ATP13A1: variants seen among roughly 807,000 people sequenced by gnomAD.
ATP13A1 encodes ATPase 13A1, also known as endoplasmic reticulum transmembrane helix translocase.
ATP13A1 carries 55 observed loss-of-function variants against 134.8 expected under a neutral mutation model. The ratio of observed to expected loss-of-function variants is 0.41; its 90% CI spans 0.33 to 0.51. ATP13A1 has a LOEUF of 0.51. Among genes scored for constraint, ATP13A1 ranks in the 20% least tolerant of loss-of-function variants. The pLI is 0.29. For synonymous variants in ATP13A1, 775 were observed against 725.1 expected, an observed-to-expected ratio of 1.07 and a Z score of -1.10; for missense variants, 1,389 against 1,652.8, an observed-to-expected ratio of 0.84 and a Z score of 2.77.
At chr19:19,646,590 C>T in intron 22 of ATP13A1, 1 of 564,160 alleles carries the variant, frequency 1.8e-6, no homozygotes, top group Non-Finnish European at 3.2e-6. Flanking sequence ...GCCACAGGGG[C>T]CTGAGAATCA....
chr19:19,651,748 T>A lies in ATP13A1; in HGVS notation c.2276A>T (p.Gln759Leu). The change falls in exon 17 of 26, where the codon CAG (glutamine) becomes CTG (leucine). Residue 759 changes from glutamine (Q) to leucine (L), a missense_variant. Around this residue, in one of 4 missense-constraint regions of ATP13A1, gnomAD observed 747 missense variants for 956.1 expected, o/e 0.78. Transcript: ENST00000357324. ...DNPLTACHVA[Q>L]ELHFIEKAHT... ...GGCCTTTTCAATGAAGTGCAGCTCC[T>A]GGGCCACGTGGCATGCAGTGAGCGG... 1 of 1,613,334 alleles carries A rather than the reference T, an allele frequency of 6.2e-7. No homozygotes were observed. The highest frequency in any genetic ancestry group is 8.5e-7 in the Non-Finnish European group (1 of 1,179,620).
At chr19:19,652,968 T>C (rs1387383915) in intron 15 of ATP13A1, 2 of 515,288 alleles carry the variant, frequency 3.9e-6, no homozygotes, top group Non-Finnish European at 6.9e-6. Context: ...CTTGCGGACA[T>C]GGGCACATCA....
At position 19,645,443 on chromosome 19, in the gene ATP13A1, C is replaced by T. The variant is rs1309447663; in HGVS notation, c.3594G>A (p.Pro1198=). Residue 1198 remains proline (P), a synonymous_variant, in exon 26 of 26, where the codon CCG becomes CCA. Coordinates refer to ENST00000357324, the MANE Select transcript of ATP13A1 (RefSeq NM_020410.3). This position sits in a 1 kb window ranked among gnomAD's most constrained non-coding sequence, Gnocchi z 4.1. ...DRVLQFFLGT[P]KLKVPS is the part of the protein sequence containing the mutation. The stretch of plus-strand genomic sequence containing the variant: ...CATCTCAGGAAGGCACTTTCAGCTT[C>T]GGGGTCCCCAGGAAGAACTGCAGGA... The T allele has an allele frequency of 5.0e-6, 8 of 1,604,064 alleles. No homozygotes were observed. The highest frequency in any genetic ancestry group is 4.5e-5 in the East Asian group (2 of 44,424).
In ATP13A1 at chr19:19,653,814, G is replaced by T; in HGVS notation, c.2070C>A (p.Tyr690Ter). 1 of 1,555,716 alleles carries T rather than the reference G, an allele frequency of 6.4e-7. No individual in the cohort carries two copies. ...REGARVLALG[Y>*]KELGHLTHQQ... is the part of the protein sequence containing the mutation. The stretch of plus-strand genomic sequence containing the variant: ...GGTGAGTGAGGTGTCCCAGCTCCTT[G>T]TACCCCAGCGCCAGGACGCGGGCTC... Residue 690 changes from tyrosine (Y) to a stop codon, truncating the protein, a stop_gained, in exon 15 of 26, where the codon TAC becomes TAA. Transcript: ENST00000357324. LOFTEE classifies it high-confidence loss of function. This position sits in a 1 kb window ranked among gnomAD's most constrained non-coding sequence, Gnocchi z 4.2.
chr19:19,647,295 G>A lies in ATP13A1; in HGVS notation c.2939C>T (p.Thr980Met), dbSNP rs775933276. 7 of 1,613,286 alleles carry A rather than the reference G, an allele frequency of 4.3e-6. No individual in the cohort carries two copies. Among genetic ancestry groups the A allele is most frequent in the Non-Finnish European group, 5.9e-6 (7 of 1,179,758 alleles). ...ICHVIKQGRC[T>M]LVTTLQMFKI... ...GAACATCTGTAGCGTGGTCACCAGC[G>A]TGCAGCGGCCCTGCTTGATCACGTG... Residue 980 changes from threonine to methionine, a missense_variant, in exon 22 of 26, where the codon ACG (threonine) becomes ATG (methionine). Around this residue, in one of 4 missense-constraint regions of ATP13A1, gnomAD observed 228 missense variants for 321.0 expected, o/e 0.71. Transcript: ENST00000357324. The surrounding 1 kb of genome is among the most constrained non-coding windows in gnomAD (Gnocchi z 4.8).
Position 19,655,285 on chromosome 19 carries a change from C to T in ATP13A1, c.1534+31G>A. On this transcript the variant is annotated intron_variant, in intron 11 of 25. Coordinates refer to ENST00000357324, the MANE Select transcript of ATP13A1 (RefSeq NM_020410.3). The surrounding 1 kb of genome is among the most constrained non-coding windows in gnomAD (Gnocchi z 5.7). Reference sequence around the variant, plus strand: ...AGGGGTCCTGCTTGGCCCCAGCCCACTCGGCACCCCATCCCATTTGACACA... The same window carrying T: ...AGGGGTCCTGCTTGGCCCCAGCCCATTCGGCACCCCATCCCATTTGACACA... 1 of 1,613,992 alleles carries T rather than the reference C, an allele frequency of 6.2e-7. No homozygotes were observed. The highest frequency in any genetic ancestry group is 1.6e-4 in the Middle Eastern group (1 of 6,062).
At position 19,647,453 on chromosome 19, in the gene ATP13A1, C is replaced by A; in HGVS notation, c.2869G>T (p.Ala957Ser). The A allele has an allele frequency of 6.2e-7, 1 of 1,613,438 alleles. No individual in the cohort carries two copies. The highest frequency in any genetic ancestry group is 8.5e-7 in the Non-Finnish European group (1 of 1,179,680). Residue 957 changes from alanine to serine, a missense_variant, in exon 21 of 26, where the codon GCA becomes TCA. Around this residue, in one of 4 missense-constraint regions of ATP13A1, gnomAD observed 228 missense variants for 321.0 expected, o/e 0.71. Coordinates refer to ENST00000357324, the MANE Select transcript of ATP13A1 (RefSeq NM_020410.3). This position sits in a 1 kb window ranked among gnomAD's most constrained non-coding sequence, Gnocchi z 4.8. ...PIVKLGDASI[A>S]APFTSKLSSI... Reference sequence around the variant, plus strand: ...GAGAGCTTGGAGGTGAAGGGTGCTGCGATGCTGGCATCCCCCAGTTTCACA... The same window carrying A: ...GAGAGCTTGGAGGTGAAGGGTGCTGAGATGCTGGCATCCCCCAGTTTCACA...
chr19:19,647,088 G>A lies in ATP13A1; in HGVS notation c.3105+41C>T, dbSNP rs750343476. On this transcript the variant is annotated intron_variant, in intron 22 of 25. Coordinates refer to ENST00000357324, the MANE Select transcript of ATP13A1 (RefSeq NM_020410.3). This position sits in a 1 kb window ranked among gnomAD's most constrained non-coding sequence, Gnocchi z 4.8. ...TGCCTATATCAGCCTGGCCCTGGCA[G>A]GCCCATGCATCCCTGGCCTTCCAGC... is the stretch of plus-strand genomic sequence containing the variant. 1 of 1,573,526 alleles carries A rather than the reference G, an allele frequency of 6.4e-7. No individual in the cohort carries two copies. Among genetic ancestry groups the A allele is most frequent in the Non-Finnish European group, 8.6e-7 (1 of 1,158,264 alleles).
Position 19,655,666 on chromosome 19 carries a change from G to T in ATP13A1, c.1270-12C>A. ...CGCAGCAGCTTGCCCTGGAGGAATGGAGGAACAGCCTTTCTGCTGTCTGGA... is the reference window on the plus strand; with the variant it reads ...CGCAGCAGCTTGCCCTGGAGGAATGTAGGAACAGCCTTTCTGCTGTCTGGA... On this transcript the variant is annotated splice_polypyrimidine_tract_variant and intron_variant, in intron 9 of 25. Transcript: ENST00000357324. This position sits in a 1 kb window ranked among gnomAD's most constrained non-coding sequence, Gnocchi z 5.7. The T allele has an allele frequency of 1.2e-6, 2 of 1,611,048 alleles. No individual in the cohort carries two copies. The highest frequency in any genetic ancestry group is 4.5e-5 in the East Asian group (2 of 44,754).
chr19:19,661,648 C>T (rs1433897799), intron 1 of ATP13A1, among the ~76,000 whole-genome samples: 1 of 152,142 alleles, frequency 6.6e-6, no homozygotes, highest in Non-Finnish European at 1.5e-5. Context: ...CTGCTGTTTC[C>T]CCAGCACCTA....
In ATP13A1 at chr19:19,647,017, C is replaced by A; in HGVS notation, c.3105+112G>T. 1 of 1,205,752 alleles carries A rather than the reference C, an allele frequency of 8.3e-7. No individual in the cohort carries two copies. The highest frequency in any genetic ancestry group is 1.5e-5 in the South Asian group (1 of 65,834). 74.7% of individuals were successfully genotyped at this position (1,205,752 alleles called of 1,614,324 possible). ...CCTGAGCCATCCCAGCTACAGCCCC[C>A]ATCTCTGGGGCCCTGGGTCCTGTAA... On this transcript the variant is annotated intron_variant, in intron 22 of 25. Transcript: ENST00000357324. The surrounding 1 kb of genome is among the most constrained non-coding windows in gnomAD (Gnocchi z 4.8).
intron 13 of ATP13A1, 81 bp downstream of exon 13, chr19:19,654,462 T>C (rs1458613094): frequency 1.3e-6 from 2 of 1,482,554 alleles, no homozygotes; most frequent in African/African-American, 2.8e-5. Flanking sequence ...CCCAAGATGC[T>C]CTGAGGGGTG....
At chr19:19,657,508 A>G in intron 3 of ATP13A1, 100 bp from the exon 4 acceptor site, 1 of 1,218,580 alleles carries the variant, frequency 8.2e-7, no homozygotes, top group Non-Finnish European at 1.1e-6. Flanking sequence ...GGCCGCTCTC[A>G]AGAAACCAAG....
Position 19,645,419 on chromosome 19 carries a change from A to G in ATP13A1, c.*3T>C. On this transcript the variant is annotated 3_prime_UTR_variant, in exon 26 of 26. Transcript: ENST00000357324. This position sits in a 1 kb window ranked among gnomAD's most constrained non-coding sequence, Gnocchi z 4.1. ...GTGGGCAGTGGGTACCAGCACTGCCATCTCAGGAAGGCACTTTCAGCTTCG... is the reference window on the plus strand; with the variant it reads ...GTGGGCAGTGGGTACCAGCACTGCCGTCTCAGGAAGGCACTTTCAGCTTCG... The G allele has an allele frequency of 1.3e-6, 2 of 1,594,646 alleles. No individual in the cohort carries two copies. Among genetic ancestry groups the G allele is most frequent in the Non-Finnish European group, 8.5e-7 (1 of 1,171,910 alleles).
rs776256475 is a variant in ATP13A1 at position 19,663,457 on chromosome 19, G to A, written c.210C>T (p.Phe70=). The part of the protein sequence containing the change: ...ALLRRLTVLP[F]AGLLYPAWLG... Reference sequence around the variant, plus strand: ...ACCAGGCCGGGTAAAGCAGCCCGGCGAATGGCAGCACCGTGAGGCGCCGCA... The same window carrying A: ...ACCAGGCCGGGTAAAGCAGCCCGGCAAATGGCAGCACCGTGAGGCGCCGCA... Residue 70 remains phenylalanine (F), a synonymous_variant, in exon 1 of 26, where the codon TTC becomes TTT. Coordinates refer to ENST00000357324, the MANE Select transcript of ATP13A1 (RefSeq NM_020410.3). 5.8e-6 allele frequency: 9 copies of A among 1,549,232 alleles called. No individual in the cohort carries two copies. Among genetic ancestry groups the A allele is most frequent in the South Asian group, 1.2e-5 (1 of 84,816 alleles).
intron 19 of ATP13A1, among the ~76,000 whole-genome samples, chr19:19,648,374 T>C (rs2062000224): frequency 1.3e-5 from 2 of 151,494 alleles, no homozygotes; most frequent in South Asian, 2.1e-4. Context: ...CCAAGGAGCA[T>C]GATTCTAGGA....
rs2062041587 is a variant in ATP13A1 at position 19,654,039 on chromosome 19, T to C, written c.1919A>G (p.Glu640Gly). Reference protein sequence around the residue: ...LKRMSVLASYEKLGSTDLCYI... With the variant: ...LKRMSVLASYGKLGSTDLCYI... The stretch of plus-strand genomic sequence containing the variant: ...GCAGAGGTCGGTGGAGCCCAGCTTC[T>C]CATACGAGGCAAGCACGGACATTCG... Residue 640 changes from glutamate to glycine, a missense_variant, in exon 14 of 26, where the codon GAG (glutamate) becomes GGG (glycine). Physicochemically the swap from Glu to Gly is moderately conservative, Grantham distance 98. Coordinates refer to ENST00000357324, the MANE Select transcript of ATP13A1 (RefSeq NM_020410.3). 6.3e-7 allele frequency: 1 copy of C among 1,597,860 alleles called. No individual in the cohort carries two copies. Among genetic ancestry groups the C allele is most frequent in the African/African-American group, 1.3e-5 (1 of 74,776 alleles).
In ATP13A1 at chr19:19,647,077, T is replaced by G; in HGVS notation, c.3105+52A>C. On this transcript the variant is annotated intron_variant, in intron 22 of 25. Coordinates refer to ENST00000357324, the MANE Select transcript of ATP13A1 (RefSeq NM_020410.3). This position sits in a 1 kb window ranked among gnomAD's most constrained non-coding sequence, Gnocchi z 4.8. ...GACAATTCCCGTGCCTATATCAGCC[T>G]GGCCCTGGCAGGCCCATGCATCCCT... is the stretch of plus-strand genomic sequence containing the variant. The G allele has an allele frequency of 6.5e-7, 1 of 1,547,850 alleles. No individual in the cohort carries two copies. Among genetic ancestry groups the G allele is most frequent in the Non-Finnish European group, 8.8e-7 (1 of 1,141,820 alleles).
chr19:19,660,381 C>G (rs905966485), intron 1 of ATP13A1: 1 of 197,694 alleles, frequency 5.1e-6, no homozygotes, highest in South Asian at 7.6e-5. Flanking sequence ...ACTTAGGAGG[C>G]TGAGGCAGGA....
Sources: gnomAD v4.1 joint callset for allele counts (sites outside exome capture counted in the v4.1 genomes callset) on GRCh38, gnomAD v4.1.1 for gene constraint, gnomAD v4.1.1 regional missense constraint, Gnocchi (gnomAD v3.1) non-coding constraint, MANE v1.5 for transcripts, NCBI Gene and HGNC (gene_info 2026-07-23, HGNC 2026-07-21) for gene names.